Variants in RAB8A observed in about 807,000 individuals in gnomAD.
The protein encoded by RAB8A is ras-related protein Rab-8A.
RAB8A carries 5 observed loss-of-function variants against 29.2 expected under a neutral mutation model. The ratio of observed to expected loss-of-function variants is 0.17; its 90% CI spans 0.09 to 0.36. RAB8A has a LOEUF of 0.36. Ranked by LOEUF, RAB8A falls within the 10% of genes least tolerant of loss-of-function variation. The pLI is 1.00. For missense variants in RAB8A, 171 were observed against 272.2 expected (o/e 0.63, Z 2.62); for synonymous variants, 108 against 99.9 (o/e 1.08, Z -0.49).
intron 2 of RAB8A, among the ~76,000 whole-genome samples, chr19:16,120,774 CTAATTTTTGTATTTTT>C (rs1299892176): frequency 6.6e-6 from 1 of 151,932 alleles, no homozygotes; most frequent in East Asian, 1.9e-4. Context: ...TCATGCCCGC[CTAATTTTTGTATTTTT>C]AGTAGAGATG....
chr19:16,117,994 T>C (rs2090854194), intron 1 of RAB8A, among the ~76,000 whole-genome samples: 1 of 152,138 alleles, frequency 6.6e-6, no homozygotes. Flanking sequence ...AGCAGGGCTT[T>C]GCCACCCGCG....
rs1020510897 is a variant in RAB8A at position 16,127,319 on chromosome 19, G to T, written c.325-118G>T. 5 of 537,026 alleles carry T rather than the reference G, an allele frequency of 9.3e-6. No homozygotes were observed. The highest frequency in any genetic ancestry group is 7.9e-5 in the African/African-American group (4 of 50,856). 33.3% of individuals were successfully genotyped at this position (537,026 alleles called of 1,614,324 possible). On this transcript the variant is annotated intron_variant, in intron 4 of 7. Coordinates refer to ENST00000300935, the MANE Select transcript of RAB8A (RefSeq NM_005370.5). The surrounding 1 kb of genome is among the most constrained non-coding windows in gnomAD (Gnocchi z 4.8). ...AGCTTCAGCTTGTCCCTTAGACCAG[G>T]CTGTACCTAGCAGTCCTGACCCCAC...
Position 16,127,669 on chromosome 19 carries a change from A to G in RAB8A, c.414+143A>G, listed in dbSNP as rs954763664. The G allele has an allele frequency of 4.5e-6, 3 of 669,708 alleles. No individual in the cohort carries two copies. In the African/African-American group the frequency reaches 5.4e-5, roughly 12 times the overall value. 41.5% of individuals were successfully genotyped at this position (669,708 alleles called of 1,614,324 possible). A position where few individuals can be genotyped will look rare whatever the true frequency, so the allele number is the denominator to read the frequency against. ...GCACGTGCCATGGGATGACAGAAGC[A>G]CACACCCAGCCGGGGCTTCTTGGGT... On this transcript the variant is annotated intron_variant, in intron 5 of 7. Coordinates refer to ENST00000300935, the MANE Select transcript of RAB8A (RefSeq NM_005370.5). This position sits in a 1 kb window ranked among gnomAD's most constrained non-coding sequence, Gnocchi z 4.8.
chr19:16,112,299 C>A (rs1379285173), intron 1 of RAB8A: 5 of 451,706 alleles, frequency 1.1e-5, no homozygotes, highest in African/African-American at 2.0e-5. Context: ...CTGGGGTCTT[C>A]GCGCCCGTCC....
At chr19:16,112,340 GC>G (rs2090828331) in intron 1 of RAB8A, 1 of 314,314 alleles carries the variant, frequency 3.2e-6, no homozygotes, top group East Asian at 6.7e-5. Flanking sequence ...AGCCCTCGAA[GC>G]GGTTCTTTTG....
intron 3 of RAB8A, chr19:16,124,212 G>C (rs1347568540): frequency 6.6e-6 from 1 of 152,176 alleles, no homozygotes; most frequent in Non-Finnish European, 1.5e-5. Flanking sequence ...GAGGTTCTTC[G>C]CCATGGTTGC....
At chr19:16,112,123 A>C in intron 1 of RAB8A, 98 bp downstream of exon 1, 1 of 1,509,616 alleles carries the variant, frequency 6.6e-7, no homozygotes, top group Non-Finnish European at 8.9e-7. Flanking sequence ...GGACGGGCCG[A>C]GGGCGCTGAG....
At chr19:16,114,277 T>A (rs930677723) in intron 1 of RAB8A, among the ~76,000 whole-genome samples, 4 of 150,690 alleles carry the variant, frequency 2.7e-5, no homozygotes, top group African/African-American at 7.3e-5. Context: ...TAAAAAATAA[T>A]AATAAAAATA....
At chr19:16,131,441 G>T (rs546780934) in intron 7 of RAB8A, among the ~76,000 whole-genome samples, 1 of 152,212 alleles carries the variant, frequency 6.6e-6, no homozygotes, top group South Asian at 2.1e-4. Flanking sequence ...TGATTGGTTT[G>T]TTGGTTGGTT....
At chr19:16,116,982 T>C (rs2090848640) in intron 1 of RAB8A, among the ~76,000 whole-genome samples, 1 of 152,158 alleles carries the variant, frequency 6.6e-6, no homozygotes, top group African/African-American at 2.4e-5. Context: ...TCTGTTTCTA[T>C]GAATGAGCCT....
chr19:16,115,148 C>T (rs568857130), intron 1 of RAB8A, among the ~76,000 whole-genome samples: 25 of 151,222 alleles, frequency 1.7e-4, no homozygotes, highest in Non-Finnish European at 2.4e-4. Flanking sequence ...ATTAGCCATA[C>T]GTGGTGGCGC....
chr19:16,125,342 G>A lies in RAB8A; in HGVS notation c.247-128G>A. 1 of 753,364 alleles carries A rather than the reference G, an allele frequency of 1.3e-6. No homozygotes were observed. The allele number at this position is 753,364 out of a possible 1,614,324, so 46.7% of individuals were successfully genotyped here. ...TCCGGGGCTCCACAGAGGTGGGGAG[G>A]GCGGCAGCTAATGGGCCTGGCTGTG... On this transcript the variant is annotated intron_variant, in intron 3 of 7. Transcript: ENST00000300935. This position sits in a 1 kb window ranked among gnomAD's most constrained non-coding sequence, Gnocchi z 5.0.
In RAB8A at chr19:16,132,404, G is replaced by A. The variant is rs981517771; in HGVS notation, c.*100G>A. ...GGGGCCCTCCCACCTCCAACGCCCC[G>A]CCCACGCCGCGGCCACCGGGCCCAC... On this transcript the variant is annotated 3_prime_UTR_variant, in exon 8 of 8. Coordinates refer to ENST00000300935, the MANE Select transcript of RAB8A (RefSeq NM_005370.5). The surrounding 1 kb of genome is among the most constrained non-coding windows in gnomAD (Gnocchi z 5.6). The A allele has an allele frequency of 3.8e-5, 45 of 1,183,370 alleles. No individual in the cohort carries two copies. The Admixed American group carries it at 3.9e-4, about 10-fold the overall frequency. The allele number at this position is 1,183,370 out of a possible 1,614,324, so 73.3% of individuals were successfully genotyped here.
chr19:16,117,811 G>A (rs545081631), intron 1 of RAB8A, among the ~76,000 whole-genome samples: 20 of 152,316 alleles, frequency 1.3e-4, no homozygotes, highest in Admixed American at 7.8e-4. Flanking sequence ...AGGAGAGAAC[G>A]TGACCATGTG....
chr19:16,114,555 T>TTTC (rs917423675), intron 1 of RAB8A, among the ~76,000 whole-genome samples: 8 of 149,168 alleles, frequency 5.4e-5, no homozygotes, highest in African/African-American at 2.0e-4. Context: ...TTTTGTATTT[T>TTTC]TTTTTTTTTT....
chr19:16,117,097 T>TGA (rs1307538428), intron 1 of RAB8A, among the ~76,000 whole-genome samples: 1 of 152,196 alleles, frequency 6.6e-6, no homozygotes, highest in African/African-American at 2.4e-5. Context: ...ATAGCATGGA[T>TGA]GAGTACTCCG....
chr19:16,118,193 A>C (rs2090855274), intron 1 of RAB8A, 33 bp from the exon 2 acceptor site: 2 of 1,591,600 alleles, frequency 1.3e-6, no homozygotes, highest in Middle Eastern at 3.3e-4. Context: ...AAATGGGCTG[A>C]CAGTGACGTG....
Position 16,132,061 on chromosome 19 carries a change from T to G in RAB8A, c.532-151T>G. ...TGGTTAGTTGGTTGGTTTGGCTGGT[T>G]TGATTGGTTTGGTTGTTTGGTTGGT... On this transcript the variant is annotated intron_variant, in intron 7 of 7. Transcript: ENST00000300935. This position sits in a 1 kb window ranked among gnomAD's most constrained non-coding sequence, Gnocchi z 5.6. 1.5e-6 allele frequency: 1 copy of G among 654,658 alleles called. No homozygotes were observed. The highest frequency in any genetic ancestry group is 2.7e-6 in the Non-Finnish European group (1 of 369,942). The allele number at this position is 654,658 out of a possible 1,614,324, so 40.6% of individuals were successfully genotyped here.
rs1350700600 is a variant in RAB8A at position 16,122,668 on chromosome 19, C to A, written c.246+858C>A. Among the ~76,000 whole-genome samples, 3 of 152,166 alleles carry A rather than the reference C, an allele frequency of 2.0e-5. No homozygotes were observed. Among genetic ancestry groups the A allele is most frequent in the African/African-American group, 7.2e-5 (3 of 41,430 alleles). On this transcript the variant is annotated intron_variant, in intron 3 of 7. Coordinates refer to ENST00000300935, the MANE Select transcript of RAB8A (RefSeq NM_005370.5). The surrounding 1 kb of genome is among the most constrained non-coding windows in gnomAD (Gnocchi z 4.7). ...TCCTGGTCCCTGCCATCTGCCTGGC[C>A]CCGGGGAACCTGCTGGGTCTGCAGT...
Sources: allele counts gnomAD v4.1 joint callset (sites outside exome capture counted in the v4.1 genomes callset), GRCh38; gene constraint gnomAD v4.1.1; non-coding constraint Gnocchi (gnomAD v3.1); transcripts MANE v1.5; gene names NCBI Gene and HGNC (gene_info 2026-07-23, HGNC 2026-07-21).